The following RBM4 variants were observed in gnomAD, a reference collection of about 807,000 sequenced individuals.
RBM4 encodes the protein RNA-binding protein 4.
In RBM4, 7 loss-of-function variants were observed where a neutral mutation model predicts 29.5. The observed-to-expected ratio is 0.24, with a 90% CI of 0.14 to 0.45. The LOEUF (loss-of-function observed/expected upper bound fraction) is 0.45. Ranked by LOEUF, RBM4 falls within the 20% of genes least tolerant of loss-of-function variation. The pLI is 1.00. For synonymous variants in RBM4, 220 were observed against 205.4 expected, an observed-to-expected ratio of 1.07 and a Z score of -0.61; for missense variants, 387 against 502.3, an observed-to-expected ratio of 0.77 and a Z score of 2.19.
chr11:66,651,758 C>T (rs955792064), intron 2 of RBM4, among the ~76,000 whole-genome samples: 12 of 152,128 alleles, frequency 7.9e-5, no homozygotes, highest in Non-Finnish European at 1.5e-4. Context: ...GCTGGGAAAG[C>T]TGAGATCAAG....
At chr11:66,645,592 T>G (rs1321767083) in intron 3 of RBM4, among the ~76,000 whole-genome samples, 1 of 152,214 alleles carries the variant, frequency 6.6e-6, no homozygotes, top group Admixed American at 6.5e-5. Context: ...CTTTGAATGA[T>G]TTTTAACTCG....
At chr11:66,646,868 G>A (rs996589760), downstream of RBM4, among the ~76,000 whole-genome samples, 1 of 152,140 alleles carries the variant, frequency 6.6e-6, no homozygotes, top group East Asian at 1.9e-4. Flanking sequence ...TTCGCTCTTC[G>A]TGCCATGTGA....
At chr11:66,659,174 T>A (rs1939024187) in intron 2 of RBM4, among the ~76,000 whole-genome samples, 1 of 151,014 alleles carries the variant, frequency 6.6e-6, no homozygotes. Flanking sequence ...ATCCAGGTGC[T>A]AAAGACTCTT....
chr11:66,662,190 T>C (rs1418931640), intron 2 of RBM4, among the ~76,000 whole-genome samples: 1 of 152,186 alleles, frequency 6.6e-6, no homozygotes, highest in Non-Finnish European at 1.5e-5. Context: ...TAGCTACATG[T>C]AGCTAATTAT....
In RBM4 at chr11:66,643,706, G is replaced by A. The variant is rs1428474385; in HGVS notation, c.669G>A (p.Lys223=). 6.2e-7 allele frequency: 1 copy of A among 1,614,050 alleles called. No individual in the cohort carries two copies. Among genetic ancestry groups the A allele is most frequent in the Admixed American group, 1.7e-5 (1 of 59,996 alleles). The change falls in exon 3 of 4, where the codon AAG becomes AAA. Residue 223 remains lysine, a synonymous_variant. Transcript: ENST00000310092. This position sits in a 1 kb window ranked among gnomAD's most constrained non-coding sequence, Gnocchi z 6.1. ...ACGGAGCGCTCGATGCCTACTACAA[G>A]CGCTGCCGTGCTGCCCGGTCCTATG... The part of the protein sequence containing the change: ...NAYGALDAYY[K]RCRAARSYEA...
At chr11:66,653,539 T>C (rs1938877911) in intron 2 of RBM4, among the ~76,000 whole-genome samples, 1 of 152,094 alleles carries the variant, frequency 6.6e-6, no homozygotes, top group African/African-American at 2.4e-5. Flanking sequence ...CTTTTGTATT[T>C]TTAGTAGAGA....
At chr11:66,662,562 C>T (rs1266329031) in intron 2 of RBM4, among the ~76,000 whole-genome samples, 1 of 151,922 alleles carries the variant, frequency 6.6e-6, no homozygotes, top group South Asian at 2.1e-4. Context: ...CCACCATGCC[C>T]GGCTAATTTT....
Position 66,643,553 on chromosome 11 carries a change from C to T in RBM4, c.516C>T (p.Ser172=). The T allele has an allele frequency of 1.9e-6, 3 of 1,614,022 alleles. No homozygotes were observed. Among genetic ancestry groups the T allele is most frequent in the Non-Finnish European group, 2.5e-6 (3 of 1,179,998 alleles). The change falls in exon 3 of 4, where the codon TCC becomes TCT. Residue 172 remains serine (S), a synonymous_variant. Transcript: ENST00000310092. This position sits in a 1 kb window ranked among gnomAD's most constrained non-coding sequence, Gnocchi z 6.1. ...CYRCGKEGHW[S]KECPIDRSGR... Reference sequence around the variant, plus strand: ...GGTGCGGGAAAGAGGGGCACTGGTCCAAAGAGTGTCCGATAGATCGTTCAG... The same window carrying T: ...GGTGCGGGAAAGAGGGGCACTGGTCTAAAGAGTGTCCGATAGATCGTTCAG...
chr11:66,663,965 G>C (rs1939142992), intron 2 of RBM4, among the ~76,000 whole-genome samples: 1 of 151,902 alleles, frequency 6.6e-6, no homozygotes, highest in Non-Finnish European at 1.5e-5. Flanking sequence ...CAAGAATCTG[G>C]CTAACTTCCT....
intron 2 of RBM4, among the ~76,000 whole-genome samples, chr11:66,661,441 A>C (rs189354765): frequency 5.8e-4 from 89 of 152,246 alleles, no homozygotes; most frequent in African/African-American, 2.1e-3. Context: ...CCTTAGGACA[A>C]GTTTCTAACA....
chr11:66,664,171 GTTTT>G (rs767344100), intron 2 of RBM4, among the ~76,000 whole-genome samples: 34 of 113,552 alleles, frequency 3.0e-4, no homozygotes, highest in Middle Eastern at 5.0e-3. Context: ...ATGCCCAGCT[GTTTT>G]TTTTTTTTTT....
intron 2 of RBM4, among the ~76,000 whole-genome samples, chr11:66,652,588 T>C (rs545964956): frequency 6.6e-6 from 1 of 152,354 alleles, no homozygotes; most frequent in Admixed American, 6.5e-5. Flanking sequence ...AGAACTCTAT[T>C]TTGTCAAGCC....
chr11:66,664,856 C>T (rs1179880144), intron 2 of RBM4: 3 of 152,236 alleles, frequency 2.0e-5, no homozygotes, highest in Non-Finnish European at 4.4e-5. Flanking sequence ...ACCTCAACCT[C>T]CCAAAGTGCT....
intron 2 of RBM4, among the ~76,000 whole-genome samples, chr11:66,657,133 T>TA (rs1171993226): frequency 1.4e-5 from 2 of 145,960 alleles, no homozygotes; most frequent in South Asian, 2.2e-4. Context: ...TTTTTTTTTT[T>TA]AGGTGCGGTC....
At chr11:66,667,613 T>C (rs564812898) in exon 3 of RBM4, 1 of 152,160 alleles carries the variant, frequency 6.6e-6, no homozygotes, top group Admixed American at 6.5e-5. Context: ...GAAGTAAACA[T>C]TTAAAATTTA....
intron 2 of RBM4, among the ~76,000 whole-genome samples, chr11:66,642,617 T>C (rs1466723976): frequency 2.6e-5 from 4 of 152,246 alleles, no homozygotes; most frequent in Non-Finnish European, 1.5e-5. Context: ...CTGAGCAGTT[T>C]GGTCCACTGA....
chr11:66,644,655 A>G, intron 3 of RBM4: 5 of 981,928 alleles, frequency 5.1e-6, no homozygotes, highest in Non-Finnish European at 6.1e-6. Flanking sequence ...TAAGAAGACT[A>G]CCAAAATGGC....
rs1158301435 is a variant in RBM4 at position 66,639,685 on chromosome 11, G to A, written c.-12-15G>A. ...CCTGAGGTCTTTTGTCAGATGTCTT[G>A]TTTTTCTCTCCCAGGCTCTTGTCAG... is the stretch of plus-strand genomic sequence containing the variant. On this transcript the variant is annotated splice_polypyrimidine_tract_variant and intron_variant, in intron 1 of 3. Coordinates refer to ENST00000310092, the MANE Select transcript of RBM4 (RefSeq NM_002896.4). 2 of 1,606,384 alleles carry A rather than the reference G, an allele frequency of 1.2e-6. No individual in the cohort carries two copies. The highest frequency in any genetic ancestry group is 4.5e-5 in the East Asian group (2 of 44,710).
intron 3 of RBM4, among the ~76,000 whole-genome samples, chr11:66,644,963 T>C (rs1938629070): frequency 6.6e-6 from 1 of 152,046 alleles, no homozygotes; most frequent in Admixed American, 6.6e-5. Flanking sequence ...CCCACAGTTC[T>C]AGTTTTGACA....
Sources: gnomAD v4.1 joint callset for allele counts (sites outside exome capture counted in the v4.1 genomes callset) on GRCh38, gnomAD v4.1.1 for gene constraint, Gnocchi (gnomAD v3.1) non-coding constraint, MANE v1.5 for transcripts, NCBI Gene and HGNC (gene_info 2026-07-23, HGNC 2026-07-21) for gene names.